Variants in GALK2 observed in about 807,000 individuals in gnomAD.
GALK2 encodes the protein N-acetylgalactosamine kinase.
Under a neutral mutation model 52.4 loss-of-function variants are expected in GALK2, and 36 were observed. The observed-to-expected ratio is 0.69, with a 90% CI of 0.53 to 0.91. The LOEUF (loss-of-function observed/expected upper bound fraction) is 0.91. GALK2 is among the 40% of genes least tolerant of loss of function. GALK2 has a pLI of 0.00. For missense variants in GALK2, 579 were observed against 559.1 expected, an observed-to-expected ratio of 1.04 and a Z score of -0.36; for synonymous variants, 176 against 199.1, an observed-to-expected ratio of 0.88 and a Z score of 0.98.
At chr15:49,336,061 G>T (rs1596262180), downstream of GALK2, among the ~76,000 whole-genome samples, 1 of 152,098 alleles carries the variant, frequency 6.6e-6, no homozygotes, top group Non-Finnish European at 1.5e-5. Context: ...TCCTGCCTTG[G>T]CCTCCCAAAG....
chr15:49,301,371 G>A (rs1212261683), intron 8 of GALK2, among the ~76,000 whole-genome samples: 1 of 152,160 alleles, frequency 6.6e-6, no homozygotes, highest in African/African-American at 2.4e-5. Context: ...TATTTGCCAG[G>A]CCTTACCCAC....
chr15:49,195,392 C>T (rs1481253500), intron 1 of GALK2, among the ~76,000 whole-genome samples: 1 of 152,140 alleles, frequency 6.6e-6, no homozygotes, highest in Admixed American at 6.6e-5. Flanking sequence ...GTCTATTTGT[C>T]TTTCAAGAAT....
chr15:49,251,677 C>T (rs981278273), intron 5 of GALK2, among the ~76,000 whole-genome samples: 1 of 152,210 alleles, frequency 6.6e-6, no homozygotes, highest in Non-Finnish European at 1.5e-5. Flanking sequence ...CCTCACCCTG[C>T]ACCAGCAACC....
At chr15:49,322,912 G>T (rs1239799588) in intron 9 of GALK2, among the ~76,000 whole-genome samples, 1 of 145,090 alleles carries the variant, frequency 6.9e-6, no homozygotes, top group Non-Finnish European at 1.5e-5. Context: ...AGCCGAGATC[G>T]CAACACTGCC....
chr15:49,349,671 T>C (rs747727375), intron 3 of GALK2, among the ~76,000 whole-genome samples: 2 of 152,134 alleles, frequency 1.3e-5, no homozygotes, highest in Non-Finnish European at 2.9e-5. Flanking sequence ...ATCAGAAATA[T>C]TCTAACTGTA....
intron 5 of GALK2, among the ~76,000 whole-genome samples, chr15:49,264,568 C>G (rs556346213): frequency 6.6e-4 from 101 of 152,338 alleles, no homozygotes; most frequent in Admixed American, 7.2e-4. Context: ...CTTCTTCTCT[C>G]AGCTCGTCAA....
At chr15:49,249,803 A>G (rs2091510850) in intron 5 of GALK2, among the ~76,000 whole-genome samples, 1 of 152,214 alleles carries the variant, frequency 6.6e-6, no homozygotes, top group Non-Finnish European at 1.5e-5. Context: ...TTTAGCCTAA[A>G]TATTTGCCCT....
At chr15:49,239,453 T>C in intron 5 of GALK2, 86 bp downstream of exon 5, 2 of 1,280,410 alleles carry the variant, frequency 1.6e-6, no homozygotes, top group Non-Finnish European at 2.2e-6. Flanking sequence ...CCTTCCTTGA[T>C]TGAAAAACTG....
chr15:49,357,128 G>A (rs1336683480), intron 3 of GALK2, among the ~76,000 whole-genome samples: 28 of 150,522 alleles, frequency 1.9e-4, no homozygotes, highest in African/African-American at 6.6e-4. Context: ...CACAAGAGAA[G>A]GCAGGAAAGA....
chr15:49,171,358 A>C (rs921347317), intron 1 of GALK2, among the ~76,000 whole-genome samples: 1 of 152,000 alleles, frequency 6.6e-6, no homozygotes. Context: ...CTGGGATTAC[A>C]GACGTGAGCC....
intron 8 of GALK2, among the ~76,000 whole-genome samples, chr15:49,304,828 T>C (rs1013124024): frequency 6.6e-6 from 1 of 152,252 alleles, no homozygotes; most frequent in Non-Finnish European, 1.5e-5. Flanking sequence ...AATTTCAAGT[T>C]ATTTTCATTT....
chr15:49,213,772 C>T (rs1390680704), intron 2 of GALK2, among the ~76,000 whole-genome samples: 1 of 151,996 alleles, frequency 6.6e-6, no homozygotes, highest in Non-Finnish European at 1.5e-5. Flanking sequence ...TCCTTCTTGT[C>T]TTCCTTTGTG....
At chr15:49,185,280 G>A (rs948652611) in intron 1 of GALK2, among the ~76,000 whole-genome samples, 1 of 152,060 alleles carries the variant, frequency 6.6e-6, no homozygotes, top group Non-Finnish European at 1.5e-5. Context: ...GCTTTCCACT[G>A]CAACCATTTT....
At position 49,271,936 on chromosome 15, in the gene GALK2, G is replaced by C. The variant is rs184444359; in HGVS notation, c.505-10051G>C. Among the ~76,000 whole-genome samples, 272 of 152,322 alleles carry C rather than the reference G, an allele frequency of 1.8e-3. 1 individual carries two copies. Among genetic ancestry groups the C allele is most frequent in the African/African-American group, 6.5e-3 (269 of 41,570 alleles). ...CGTTTTTTAACTTGAAGAGAAAATG[G>C]AGGAACATTTTGATGAATCAGAAAT... On this transcript the variant is annotated intron_variant, in intron 5 of 9. Coordinates refer to ENST00000560031, the MANE Select transcript of GALK2 (RefSeq NM_002044.4).
At chr15:49,203,497 G>C (rs1366740246) in intron 2 of GALK2, among the ~76,000 whole-genome samples, 3 of 152,172 alleles carry the variant, frequency 2.0e-5, no homozygotes, top group South Asian at 2.1e-4. Flanking sequence ...CTATTGGAAG[G>C]TTTCCTTTGC....
chr15:49,206,508 T>A (rs1566936530), intron 2 of GALK2, among the ~76,000 whole-genome samples: 1 of 152,046 alleles, frequency 6.6e-6, no homozygotes, highest in Non-Finnish European at 1.5e-5. Flanking sequence ...CTTTCAGCAG[T>A]GTTTCGTAGT....
At chr15:49,183,313 C>A (rs1229952327) in intron 1 of GALK2, among the ~76,000 whole-genome samples, 3 of 151,966 alleles carry the variant, frequency 2.0e-5, no homozygotes, top group African/African-American at 7.3e-5. Context: ...ATAAACTTTT[C>A]TCTTAGCATT....
chr15:49,228,688 T>TATATATATATATATATATACATACATA, intron 3 of GALK2, among the ~76,000 whole-genome samples: 1 of 10,452 alleles, frequency 9.6e-5, no homozygotes, highest in African/African-American at 3.4e-4. Context: ...TATATATATA[T>TATATATATATATATATATACATACATA]TTTTTTTTTT....
intron 3 of GALK2, among the ~76,000 whole-genome samples, chr15:49,352,407 A>C (rs2042381112): frequency 6.6e-6 from 1 of 152,176 alleles, no homozygotes; most frequent in African/African-American, 2.4e-5. Flanking sequence ...CTCTTGAAAA[A>C]TATAATCTGC....
Sources: gnomAD v4.1 joint callset for allele counts (sites outside exome capture counted in the v4.1 genomes callset) on GRCh38, gnomAD v4.1.1 for gene constraint, MANE v1.5 for transcripts, NCBI Gene and HGNC (gene_info 2026-07-23, HGNC 2026-07-21) for gene names.